Variants in HMGA2 observed in about 807,000 individuals in gnomAD.
HMGA2 encodes high mobility group AT-hook 2, also known as high mobility group protein HMGI-C.
Under a neutral mutation model 19.1 loss-of-function variants are expected in HMGA2, and 8 were observed. That is an observed-to-expected ratio of 0.42 (90% CI 0.25 to 0.76). HMGA2 has a LOEUF of 0.76. Ranked by LOEUF, HMGA2 falls within the 30% of genes least tolerant of loss-of-function variation. HMGA2 has a pLI of 0.28. For synonymous variants in HMGA2, 60 were observed against 48.8 expected (o/e 1.23, Z -0.96); for missense variants, 109 against 136.3 (o/e 0.80, Z 1.00).
At chr12:65,903,350 A>G (rs1874451919) in intron 3 of HMGA2, among the ~76,000 whole-genome samples, 3 of 152,228 alleles carry the variant, frequency 2.0e-5, no homozygotes, top group Admixed American at 2.0e-4. Context: ...ATAAAGGGAC[A>G]TGTAGGATTT....
At chr12:65,857,773 C>A (rs1241057248) in intron 3 of HMGA2, 1 of 152,110 alleles carries the variant, frequency 6.6e-6, no homozygotes, top group African/African-American at 2.4e-5. Context: ...GATTCCAAAC[C>A]TCCCTTTAAA....
At chr12:65,841,657 T>C (rs948676255) in intron 3 of HMGA2, among the ~76,000 whole-genome samples, 1 of 152,254 alleles carries the variant, frequency 6.6e-6, no homozygotes, top group Non-Finnish European at 1.5e-5. Flanking sequence ...AGATATATTT[T>C]TGAACCGACT....
intron 3 of HMGA2, among the ~76,000 whole-genome samples, chr12:65,855,089 A>G (rs1011858892): frequency 1.3e-5 from 2 of 152,224 alleles, no homozygotes; most frequent in Non-Finnish European, 2.9e-5. Flanking sequence ...TCCTGAAGGC[A>G]CATACAACAG....
At chr12:65,905,086 T>C (rs1340197511) in intron 3 of HMGA2, among the ~76,000 whole-genome samples, 2 of 152,036 alleles carry the variant, frequency 1.3e-5, no homozygotes. Flanking sequence ...TAGAAAGTCA[T>C]TTATATCAGT....
intron 3 of HMGA2, among the ~76,000 whole-genome samples, chr12:65,871,613 C>T (rs1425331407): frequency 6.6e-6 from 1 of 152,190 alleles, no homozygotes; most frequent in Non-Finnish European, 1.5e-5. Flanking sequence ...AAAATGTTTT[C>T]TCCATTACTA....
intron 3 of HMGA2, among the ~76,000 whole-genome samples, chr12:65,918,035 G>C (rs887797949): frequency 6.6e-6 from 1 of 152,136 alleles, no homozygotes; most frequent in Non-Finnish European, 1.5e-5. Flanking sequence ...CTCAGAGTAG[G>C]CTTTTAAACT....
At chr12:65,961,492 AG>A (rs1272675793) in intron 4 of HMGA2, among the ~76,000 whole-genome samples, 1 of 152,178 alleles carries the variant, frequency 6.6e-6, no homozygotes, top group Non-Finnish European at 1.5e-5. Context: ...TGGGAGTTAA[AG>A]GGGAGGTAGC....
At chr12:65,838,998 C>CTTTTTTTTTTTTTTTTTTTTTTTT in intron 3 of HMGA2, among the ~76,000 whole-genome samples, 7 of 107,206 alleles carry the variant, frequency 6.5e-5, no homozygotes, top group South Asian at 3.6e-4. Flanking sequence ...TTTTCTTTTT[C>CTTTTTTTTTTTTTTTTTTTTTTTT]TTTTTTTTTT....
chr12:65,842,500 GTCCTCAATATATTTATGC>G, intron 3 of HMGA2: 1 of 994,544 alleles, frequency 1.0e-6, no homozygotes, highest in South Asian at 1.4e-5. Context: ...GTATCATTAT[GTCCTCAATATATTTATGC>G]TGAATATTAA....
chr12:65,925,956 G>A (rs1027716150), intron 3 of HMGA2, among the ~76,000 whole-genome samples: 1 of 152,112 alleles, frequency 6.6e-6, no homozygotes, highest in African/African-American at 2.4e-5. Context: ...CCTTTGAGAG[G>A]GGGTATATTA....
At chr12:65,870,030 A>G (rs1461819040) in intron 3 of HMGA2, among the ~76,000 whole-genome samples, 1 of 152,086 alleles carries the variant, frequency 6.6e-6, no homozygotes, top group African/African-American at 2.4e-5. Flanking sequence ...AAAAAAAAAA[A>G]GTAGTGCACA....
rs1292643790 is a variant in HMGA2, at chr12:65,964,774, T to G, written c.*1482T>G. The G allele has an allele frequency of 5.1e-6, 1 of 195,964 alleles. No homozygotes were observed. Among genetic ancestry groups the G allele is most frequent in the Admixed American group, 6.1e-5 (1 of 16,482 alleles). 12.1% of individuals were successfully genotyped at this position (195,964 alleles called of 1,614,324 possible). ...AATTTTTAAAATACTTGTTTCAGCT[T>G]CTCTGCTAGATTTCTACATTAACTT... On this transcript the variant is annotated 3_prime_UTR_variant, in exon 5 of 5. Coordinates refer to ENST00000403681, the MANE Select transcript of HMGA2 (RefSeq NM_003483.6).
chr12:65,891,840 A>T (rs2121140665), intron 3 of HMGA2, among the ~76,000 whole-genome samples: 1 of 152,310 alleles, frequency 6.6e-6, no homozygotes, highest in East Asian at 1.9e-4. Context: ...GGAGTATTAA[A>T]TAAGAGCATG....
intron 4 of HMGA2, among the ~76,000 whole-genome samples, chr12:65,961,838 G>T (rs1214178597): frequency 6.6e-6 from 1 of 151,770 alleles, no homozygotes; most frequent in Admixed American, 6.6e-5. Flanking sequence ...CTGCTTTTAC[G>T]CAAAAGCATC....
intron 3 of HMGA2, among the ~76,000 whole-genome samples, chr12:65,899,516 G>A (rs1477589224): frequency 6.6e-6 from 1 of 152,318 alleles, no homozygotes; most frequent in African/African-American, 2.4e-5. Flanking sequence ...GAAGGCTGGA[G>A]TAGAGGGGGA....
chr12:65,915,601 G>A, intron 3 of HMGA2: 1 of 1,019,766 alleles, frequency 9.8e-7, no homozygotes. Flanking sequence ...GTATTTTCCT[G>A]TGTCTTTTAT....
Position 65,964,121 on chromosome 12 carries a change from A to G in HMGA2, c.*829A>G. The G allele has an allele frequency of 4.9e-6, 1 of 204,630 alleles. No individual in the cohort carries two copies. Among genetic ancestry groups the G allele is most frequent in the Non-Finnish European group, 1.0e-5 (1 of 100,050 alleles). The allele number at this position is 204,630 out of a possible 1,614,324, so 12.7% of individuals were successfully genotyped here. A position where few individuals can be genotyped will look rare whatever the true frequency, so the allele number is the denominator to read the frequency against. ...AAAATGCCATTTAGCAATAAATAAC[A>G]CTTGTCAGCCTCAGAGCATTTAAGG... On this transcript the variant is annotated 3_prime_UTR_variant, in exon 5 of 5. Transcript: ENST00000403681.
chr12:65,851,282 G>A (rs1871449698), intron 3 of HMGA2: 1 of 156,126 alleles, frequency 6.4e-6, no homozygotes, highest in Non-Finnish European at 1.4e-5. Flanking sequence ...CGGAGGCCGA[G>A]GCAGGTCAAT....
chr12:65,951,262 T>C (rs570932746), intron 3 of HMGA2, 121 bp from the exon 4 acceptor site: 1 of 661,238 alleles, frequency 1.5e-6, no homozygotes, highest in East Asian at 2.8e-5. Flanking sequence ...GATATACCAG[T>C]TGAACTTTAT....
Sources: allele counts gnomAD v4.1 joint callset (sites outside exome capture counted in the v4.1 genomes callset), GRCh38; gene constraint gnomAD v4.1.1; transcripts MANE v1.5; gene names NCBI Gene and HGNC (gene_info 2026-07-23, HGNC 2026-07-21).